The following ZMYND8 variants were observed in gnomAD, a reference collection of about 807,000 sequenced individuals.
ZMYND8 encodes the protein MYND-type zinc finger-containing chromatin reader ZMYND8.
Under a neutral mutation model 140.8 loss-of-function variants are expected in ZMYND8, and 37 were observed. The ratio of observed to expected loss-of-function variants is 0.26; its 90% confidence interval spans 0.20 to 0.35. The LOEUF (loss-of-function observed/expected upper bound fraction) is 0.35. Among genes scored for constraint, ZMYND8 ranks in the 10% least tolerant of loss-of-function variants. The pLI is 1.00. For missense variants in ZMYND8, 1,068 were observed against 1,570.0 expected, an observed-to-expected ratio of 0.68 and a Z score of 5.40; for synonymous variants, 592 against 597.1, an observed-to-expected ratio of 0.99 and a Z score of 0.12.
chr20:47,250,146 G>A (rs2074052207), intron 12 of ZMYND8, among the ~76,000 whole-genome samples: 1 of 152,178 alleles, frequency 6.6e-6, no homozygotes. Context: ...CCCAGGCAGA[G>A]GCCTCTGGGG....
intron 22 of ZMYND8, among the ~76,000 whole-genome samples, chr20:47,211,486 T>C (rs2035247169): frequency 6.6e-6 from 1 of 152,190 alleles, no homozygotes; most frequent in South Asian, 2.1e-4. Context: ...GACTGAAGAA[T>C]TCAGAATCAG....
Position 47,262,406 on chromosome 20 carries a change from C to T in ZMYND8, c.1503G>A (p.Thr501=), listed in dbSNP as rs145166978. 7.4e-6 allele frequency: 12 copies of T among 1,613,656 alleles called. No homozygotes were observed. The African/African-American group carries it at 1.1e-4, about 14-fold the overall frequency. ...KSTASPASTK[T]GQAGSLSGSP... ...TGCCGGATAAACTCCCTGCTTGTCC[C>T]GTCTTGGTGGAGGCTGGTGAAGCTG... Residue 501 remains threonine (T), a synonymous_variant, in exon 12 of 23, where the codon ACG becomes ACA. Coordinates refer to ENST00000471951, the MANE Select transcript of ZMYND8 (RefSeq NM_001281775.3).
intron 11 of ZMYND8, among the ~76,000 whole-genome samples, chr20:47,270,697 G>GAAAAAAA (rs34474269): frequency 1.8e-4 from 16 of 86,654 alleles, no homozygotes; most frequent in South Asian, 5.3e-4. Context: ...CCCTGTCTCT[G>GAAAAAAA]AAAAAAAAAA....
chr20:47,267,496 CG>C (rs57088437), intron 11 of ZMYND8, among the ~76,000 whole-genome samples: 47,481 of 86,434 alleles, frequency 0.55, 9,983 homozygotes, highest in African/African-American at 0.69. Flanking sequence ...AGGGCCGGGG[CG>C]GGGGGGGGGC....
At chr20:47,335,525 T>C (rs535797406) in intron 2 of ZMYND8, among the ~76,000 whole-genome samples, 2 of 152,202 alleles carry the variant, frequency 1.3e-5, no homozygotes, top group Admixed American at 6.5e-5. Flanking sequence ...ACGACTTTAA[T>C]AAGGCAATAA....
At chr20:47,336,523 A>G (rs1602050657) in intron 2 of ZMYND8, among the ~76,000 whole-genome samples, 1 of 152,212 alleles carries the variant, frequency 6.6e-6, no homozygotes, top group Non-Finnish European at 1.5e-5. Flanking sequence ...GAGCCTTTGT[A>G]TGGAGACGTG....
chr20:47,231,393 C>T (rs895458090), intron 16 of ZMYND8, among the ~76,000 whole-genome samples: 5 of 152,130 alleles, frequency 3.3e-5, no homozygotes, highest in East Asian at 1.9e-4. Flanking sequence ...CTCTAAGCCT[C>T]GGTTTCCCCA....
chr20:47,276,896 G>C, intron 10 of ZMYND8, 101 bp from the exon 11 acceptor site: 51 of 689,772 alleles, frequency 7.4e-5, no homozygotes, highest in Non-Finnish European at 9.0e-5. Flanking sequence ...TGTTTGCCAA[G>C]ATTCTTATTC....
At chr20:47,340,507 A>T (rs899051987) in intron 2 of ZMYND8, among the ~76,000 whole-genome samples, 1 of 152,058 alleles carries the variant, frequency 6.6e-6, no homozygotes, top group Non-Finnish European at 1.5e-5. Flanking sequence ...AAAAAAAAAA[A>T]AAGGCCGGAG....
At chr20:47,324,094 C>G (rs936055625) in intron 2 of ZMYND8, among the ~76,000 whole-genome samples, 2 of 149,284 alleles carry the variant, frequency 1.3e-5, no homozygotes, top group African/African-American at 5.0e-5. Flanking sequence ...CCCAGCTGCT[C>G]GGGGGGCTAA....
intron 3 of ZMYND8, among the ~76,000 whole-genome samples, chr20:47,299,223 C>A (rs2077838464): frequency 6.6e-6 from 1 of 152,194 alleles, no homozygotes; most frequent in South Asian, 2.1e-4. Flanking sequence ...TTGCCTATAA[C>A]CCACATCTAC....
intron 2 of ZMYND8, among the ~76,000 whole-genome samples, chr20:47,313,571 A>G (rs555486205): frequency 2.4e-3 from 363 of 151,398 alleles, no homozygotes; most frequent in Middle Eastern, 0.01. Flanking sequence ...GCAGTGAGCC[A>G]AGATCGCACC....
chr20:47,222,682 G>T (rs1006970019), intron 19 of ZMYND8, among the ~76,000 whole-genome samples: 1 of 152,224 alleles, frequency 6.6e-6, no homozygotes, highest in Non-Finnish European at 1.5e-5. Context: ...TTCCAGAACG[G>T]AGGGAAAACA....
intron 11 of ZMYND8, among the ~76,000 whole-genome samples, chr20:47,275,402 G>A (rs753270311): frequency 6.6e-6 from 1 of 151,136 alleles, no homozygotes; most frequent in South Asian, 2.1e-4. Flanking sequence ...GCTGAGGAAC[G>A]ACAATCACTT....
Position 47,276,319 on chromosome 20 carries a change from C to A in ZMYND8, c.1475G>T (p.Ser492Ile). ...CTCCCCCGCACGGAGCTGACCTGTG[C>A]TCTTATCCAGGAAGTCCATGGACTC... Reference protein sequence around the residue: ...SEESMDFLDKSTASPASTKTG... With the variant: ...SEESMDFLDKITASPASTKTG... Residue 492 changes from serine (S) to isoleucine (I), a missense_variant, in exon 11 of 23, where the codon AGC becomes ATC. Coordinates refer to ENST00000471951, the MANE Select transcript of ZMYND8 (RefSeq NM_001281775.3). The A allele has an allele frequency of 6.4e-7, 1 of 1,560,040 alleles. No homozygotes were observed. Among genetic ancestry groups the A allele is most frequent in the Non-Finnish European group, 8.7e-7 (1 of 1,149,870 alleles).
chr20:47,352,272 G>GC (rs2148634423), intron 1 of ZMYND8, among the ~76,000 whole-genome samples: 1 of 152,274 alleles, frequency 6.6e-6, no homozygotes, highest in Admixed American at 6.5e-5. Context: ...AGGACAGCAG[G>GC]CATCTGAAAA....
At chr20:47,222,478 G>A (rs941579597) in intron 19 of ZMYND8, among the ~76,000 whole-genome samples, 1 of 152,210 alleles carries the variant, frequency 6.6e-6, no homozygotes, top group African/African-American at 2.4e-5. Context: ...GGAGCTTGCA[G>A]TGAGCTGAGA....
At chr20:47,305,370 A>G (rs1448783083) in intron 3 of ZMYND8, among the ~76,000 whole-genome samples, 1 of 151,866 alleles carries the variant, frequency 6.6e-6, no homozygotes, top group Admixed American at 6.6e-5. Context: ...CCTCCCGAGC[A>G]GCTGGGATTA....
intron 2 of ZMYND8, among the ~76,000 whole-genome samples, chr20:47,324,367 A>G (rs1405089348): frequency 6.6e-6 from 1 of 150,502 alleles, no homozygotes; most frequent in Non-Finnish European, 1.5e-5. Context: ...AAAATACAAA[A>G]AATTAGCCAG....
Sources: allele counts gnomAD v4.1 joint callset (sites outside exome capture counted in the v4.1 genomes callset), GRCh38; gene constraint gnomAD v4.1.1; transcripts MANE v1.5; gene names NCBI Gene and HGNC (gene_info 2026-07-23, HGNC 2026-07-21).